The following PRELID2 variants were observed in gnomAD, a reference collection of about 807,000 sequenced individuals.
PRELID2 encodes PRELI domain-containing protein 2.
PRELID2 carries 25 observed loss-of-function variants against 28.4 expected under a neutral mutation model. The ratio of observed to expected loss-of-function variants is 0.88; its 90% CI spans 0.64 to 1.23. The LOEUF is 1.23. Among genes scored for constraint, PRELID2 ranks in the 50% most tolerant of loss-of-function variants. The probability of loss-of-function intolerance (pLI) is 0.00; values close to 1 mark genes in which losing one functional copy is unlikely to be tolerated. For synonymous variants in PRELID2, 76 were observed against 71.6 expected (o/e 1.06, Z -0.31); for missense variants, 201 against 214.4 (o/e 0.94, Z 0.39).
chr5:145,729,271 C>CTGGGTTTCGG (rs1179178657), intron 1 of PRELID2: 1 of 1,072,788 alleles, frequency 9.3e-7, no homozygotes, highest in Non-Finnish European at 1.4e-6. Context: ...ATACCAAAAT[C>CTGGGTTTCGG]AAGCATATTC....
intron 5 of PRELID2, among the ~76,000 whole-genome samples, chr5:145,790,719 GTGTA>G (rs1487583935): frequency 4.2e-4 from 24 of 57,178 alleles, no homozygotes; most frequent in Admixed American, 1.1e-3. Flanking sequence ...GTGTGTGTGT[GTGTA>G]TATATATATA....
the PRELID2 span, among the ~76,000 whole-genome samples, chr5:145,243,048 A>C: frequency 6.6e-6 from 1 of 152,114 alleles, no homozygotes; most frequent in Non-Finnish European, 1.5e-5. Flanking sequence ...AATATAACAA[A>C]ATTGTAAATA....
the PRELID2 span, among the ~76,000 whole-genome samples, chr5:145,353,633 A>T: frequency 1.3e-5 from 2 of 152,172 alleles, no homozygotes; most frequent in East Asian, 1.9e-4. Flanking sequence ...AGTAAGGAGA[A>T]GTATCAAGCC....
At chr5:145,705,536 A>G (rs1023703185) in intron 1 of PRELID2, among the ~76,000 whole-genome samples, 9 of 152,126 alleles carry the variant, frequency 5.9e-5, no homozygotes, top group African/African-American at 2.2e-4. Flanking sequence ...AAGAAAGATG[A>G]TTTTGGAGAT....
At chr5:145,264,969 T>TAAAAA in the PRELID2 span, among the ~76,000 whole-genome samples, 1 of 56,876 alleles carries the variant, frequency 1.8e-5, no homozygotes, top group African/African-American at 5.7e-5. Context: ...AGTGCAACTC[T>TAAAAA]AAAAAAAAAA....
intron 1 of PRELID2, among the ~76,000 whole-genome samples, chr5:145,576,818 T>A (rs993704516): frequency 6.6e-6 from 1 of 152,172 alleles, no homozygotes; most frequent in Admixed American, 6.6e-5. Flanking sequence ...AATTGTAATG[T>A]TCTCACTACA....
At chr5:145,653,492 G>C (rs910052500) in intron 1 of PRELID2, among the ~76,000 whole-genome samples, 100 of 152,134 alleles carry the variant, frequency 6.6e-4, no homozygotes, top group African/African-American at 2.4e-3. Flanking sequence ...TGACCACATA[G>C]TTGGAAGTAA....
chr5:145,560,225 G>A (rs1169411686), intron 1 of PRELID2, among the ~76,000 whole-genome samples: 1 of 152,134 alleles, frequency 6.6e-6, no homozygotes, highest in Non-Finnish European at 1.5e-5. Flanking sequence ...GATCACAAAT[G>A]GAACCATTGT....
the PRELID2 span, chr5:145,229,462 AG>A: frequency 3.3e-6 from 3 of 901,864 alleles, no homozygotes; most frequent in Non-Finnish European, 5.5e-6. Context: ...ACCCAGCCAA[AG>A]CCCCCAACAC....
chr5:145,816,731 C>A (rs1335437875), intron 4 of PRELID2, among the ~76,000 whole-genome samples: 1 of 152,126 alleles, frequency 6.6e-6, no homozygotes, highest in Admixed American at 6.6e-5. Flanking sequence ...TGTTTTAAAT[C>A]TATCTAAAAT....
chr5:145,648,580 T>C (rs1754236265), intron 1 of PRELID2, among the ~76,000 whole-genome samples: 1 of 151,452 alleles, frequency 6.6e-6, no homozygotes, highest in Admixed American at 6.6e-5. Context: ...TTAAGATTTC[T>C]TCTTAGCTCC....
rs1366590204 is a variant in PRELID2, at chr5:145,741,515, ATAAT to A, written n.70+23412_70+23415del. Among the ~76,000 whole-genome samples, 747 of 123,278 alleles carry A rather than the reference ATAAT, an allele frequency of 6.1e-3. 7 individuals are homozygous for A. The highest frequency in any genetic ancestry group is 9.8e-3 in the Non-Finnish European group (625 of 63,522). The allele number at this position is 123,278 out of a possible 152,430, so 80.9% of individuals were successfully genotyped here. A position where few individuals can be genotyped will look rare whatever the true frequency, so the allele number is the denominator to read the frequency against. On this transcript the variant is annotated intron_variant and non_coding_transcript_variant, in intron 1 of 2. Coordinates refer to the PRELID2 transcript ENST00000510259. ...AATTATATATAAAATTTATTTATAAATAATTTATTTATATATAAAATTTATTTAT... is the reference window on the plus strand; with the variant it reads ...AATTATATATAAAATTTATTTATAAATTATTTATATATAAAATTTATTTAT...
the PRELID2 span, among the ~76,000 whole-genome samples, chr5:145,456,951 C>T: frequency 5.3e-5 from 8 of 152,046 alleles, no homozygotes; most frequent in African/African-American, 1.4e-4. Flanking sequence ...GGCAAGAAAA[C>T]AAAGTCAGGT....
At chr5:145,362,330 G>A in the PRELID2 span, among the ~76,000 whole-genome samples, 7 of 152,148 alleles carry the variant, frequency 4.6e-5, no homozygotes, top group East Asian at 3.9e-4. Flanking sequence ...GTTTCATCTC[G>A]CATAGTTAGG....
intron 5 of PRELID2, among the ~76,000 whole-genome samples, chr5:145,772,642 A>G (rs1012565598): frequency 6.6e-6 from 1 of 152,218 alleles, no homozygotes; most frequent in Non-Finnish European, 1.5e-5. Flanking sequence ...AAAGGGGTGG[A>G]GCCCTCACTA....
chr5:145,474,984 T>A (rs1752086422), intron 1 of PRELID2, among the ~76,000 whole-genome samples: 2 of 152,210 alleles, frequency 1.3e-5, no homozygotes, highest in Admixed American at 1.3e-4. Flanking sequence ...CTGTTATTTA[T>A]GGAAACTAAA....
At chr5:145,375,964 T>C in the PRELID2 span, among the ~76,000 whole-genome samples, 1 of 152,194 alleles carries the variant, frequency 6.6e-6, no homozygotes, top group Non-Finnish European at 1.5e-5. Context: ...AGGGCATTCT[T>C]TTCTTGTGCC....
chr5:145,672,388 T>G (rs948036233), intron 1 of PRELID2, among the ~76,000 whole-genome samples: 1 of 151,960 alleles, frequency 6.6e-6, no homozygotes, highest in Admixed American at 6.6e-5. Context: ...ACAGTCCCCA[T>G]TACCAGTGCC....
At chr5:145,391,474 G>A in the PRELID2 span, among the ~76,000 whole-genome samples, 1 of 152,162 alleles carries the variant, frequency 6.6e-6, no homozygotes, top group Non-Finnish European at 1.5e-5. Flanking sequence ...CACATCCCAA[G>A]GCTGCATAGA....
Sources: gnomAD v4.1 joint callset for allele counts (sites outside exome capture counted in the v4.1 genomes callset) on GRCh38, gnomAD v4.1.1 for gene constraint, MANE v1.5 for transcripts, NCBI Gene and HGNC (gene_info 2026-07-23, HGNC 2026-07-21) for gene names.